ABR: variants seen among roughly 807,000 people sequenced by gnomAD.
ABR encodes the protein ABR activator of RhoGEF and GTPase, also known as active breakpoint cluster region-related protein.
ABR carries 35 observed loss-of-function variants against 107.2 expected under a neutral mutation model. The ratio of observed to expected loss-of-function variants is 0.33; its 90% CI spans 0.25 to 0.43. The LOEUF (loss-of-function observed/expected upper bound fraction) is 0.43. ABR is among the 20% of genes least tolerant of loss of function. ABR has a pLI of 1.00. For synonymous variants in ABR, 498 were observed against 462.0 expected (o/e 1.08, Z -1.00); for missense variants, 815 against 1,115.2 (o/e 0.73, Z 3.83).
chr17:1,013,198 A>G, intron 16 of ABR, 34 bp from the exon 17 acceptor site: 1 of 1,605,772 alleles, frequency 6.2e-7, no homozygotes, highest in Non-Finnish European at 8.5e-7. Flanking sequence ...GAGAGGTGCC[A>G]GCTCGGAGGC....
chr17:1,097,530 A>G (rs374401855), intron 3 of ABR, among the ~76,000 whole-genome samples: 2 of 149,304 alleles, frequency 1.3e-5, no homozygotes, highest in African/African-American at 4.9e-5. Flanking sequence ...GGCGGAGGTT[A>G]TAATGAGCCG....
At chr17:1,118,245 G>C in intron 2 of ABR, among the ~76,000 whole-genome samples, 1 of 92,462 alleles carries the variant, frequency 1.1e-5, no homozygotes, top group African/African-American at 4.4e-5. Context: ...CCCTGAGCCT[G>C]AGTTCCTCCC....
Position 1,078,416 on chromosome 17 carries a change from A to C in ABR, c.700+914T>G, listed in dbSNP as rs933907186. 1.3e-5 allele frequency among the ~76,000 whole-genome samples: 2 copies of C among 151,930 alleles called. No individual in the cohort carries two copies. Among genetic ancestry groups the C allele is most frequent in the Non-Finnish European group, 2.9e-5 (2 of 67,958 alleles). ...CTCGGCTGGCAACGCCGCCGTCCGG[A>C]CCATCGCCACCCATCGCCACGCTGT... On this transcript the variant is annotated intron_variant, in intron 6 of 22. Transcript: ENST00000302538. The surrounding 1 kb of genome is among the most constrained non-coding windows in gnomAD (Gnocchi z 7.5).
chr17:1,126,961 C>T (rs776917438), intron 1 of ABR, among the ~76,000 whole-genome samples: 16 of 152,350 alleles, frequency 1.1e-4, no homozygotes, highest in Admixed American at 2.0e-4. Flanking sequence ...CACGGGGGCC[C>T]CAGCTCTTCC....
chr17:1,104,950 C>T (rs1013137535), intron 2 of ABR, among the ~76,000 whole-genome samples: 12 of 151,838 alleles, frequency 7.9e-5, no homozygotes, highest in Non-Finnish European at 1.8e-4. Context: ...TTTTGCCATA[C>T]TCACATACCA....
intron 2 of ABR, among the ~76,000 whole-genome samples, chr17:1,104,471 T>C (rs950138723): frequency 3.9e-5 from 6 of 152,124 alleles, no homozygotes; most frequent in African/African-American, 9.7e-5. Context: ...CTCAAGGCTA[T>C]AGGGCATGCA....
intron 1 of ABR, among the ~76,000 whole-genome samples, chr17:1,173,086 C>CCCG (rs372635751): frequency 2.3e-4 from 15 of 65,024 alleles, no homozygotes; most frequent in East Asian, 1.3e-3. Context: ...CAGTCCACCC[C>CCCG]CCCCATCATC....
intron 1 of ABR, among the ~76,000 whole-genome samples, chr17:1,219,042 T>G (rs1567900636): frequency 6.9e-6 from 1 of 145,392 alleles, no homozygotes; most frequent in Non-Finnish European, 1.5e-5. Flanking sequence ...TATCTGTTTG[T>G]TTGTTTGTTT....
chr17:1,023,589 C>T (rs775399024), intron 16 of ABR, among the ~76,000 whole-genome samples: 12 of 152,330 alleles, frequency 7.9e-5, no homozygotes, highest in Non-Finnish European at 1.3e-4. Context: ...AGGAAAGGGG[C>T]GCCCTCAGAG....
chr17:1,105,093 C>T (rs2038159147), intron 2 of ABR, among the ~76,000 whole-genome samples: 1 of 150,684 alleles, frequency 6.6e-6, no homozygotes, highest in Non-Finnish European at 1.5e-5. Context: ...ACTGCAACCT[C>T]CATCTCCCGG....
chr17:1,021,513 A>G (rs1597397875), intron 16 of ABR, among the ~76,000 whole-genome samples: 1 of 152,242 alleles, frequency 6.6e-6, no homozygotes, highest in Non-Finnish European at 1.5e-5. Context: ...CATAAAAAAA[A>G]GTGCTTCTTC....
rs773367465 is a variant in ABR at position 1,050,127 on chromosome 17, T to C, written c.1714A>G (p.Lys572Glu). Residue 572 changes from lysine (K) to glutamate (E), a missense_variant, in exon 16 of 23, where the codon AAG (lysine) becomes GAG (glutamate). Coordinates refer to ENST00000302538, the MANE Select transcript of ABR (RefSeq NM_021962.5). The surrounding 1 kb of genome is among the most constrained non-coding windows in gnomAD (Gnocchi z 4.6). ...SQSLRILCYEKCYDKTKVNKD... is the reference protein window; with the variant it reads ...SQSLRILCYEECYDKTKVNKD... ...TTGACCTTGGTCTTGTCATAGCACT[T>C]CTCATAGCACAGGATCCTCAGGGAC... is the stretch of plus-strand genomic sequence containing the variant. 6.2e-7 allele frequency: 1 copy of C among 1,614,124 alleles called. No homozygotes were observed. The highest frequency in any genetic ancestry group is 8.5e-7 in the Non-Finnish European group (1 of 1,180,016).
intron 12 of ABR, among the ~76,000 whole-genome samples, chr17:1,057,649 A>G (rs1204800847): frequency 7.3e-6 from 1 of 137,594 alleles, no homozygotes; most frequent in Non-Finnish European, 1.6e-5. Flanking sequence ...GCCTCTGTGT[A>G]TGTGTGTATG....
Position 1,117,765 on chromosome 17 carries a change from G to T in ABR, c.246+7418C>A, listed in dbSNP as rs1236683209. Among the ~76,000 whole-genome samples, 368 of 69,030 alleles carry T rather than the reference G, an allele frequency of 5.3e-3. 12 individuals are homozygous for T. Among genetic ancestry groups the T allele is most frequent in the East Asian group, 0.051 (129 of 2,534 alleles). The allele number at this position is 69,030 out of a possible 152,430, so 45.3% of individuals were successfully genotyped here. A position where few individuals can be genotyped will look rare whatever the true frequency, so the allele number is the denominator to read the frequency against. On this transcript the variant is annotated intron_variant, in intron 2 of 22. Transcript: ENST00000302538. Reference sequence around the variant, plus strand: ...ACCCTGAGCCTGAGTTCCTCCCAGCGTTATCCCTGAGCCTGAGTTCTCCCC... The same window carrying T: ...ACCCTGAGCCTGAGTTCCTCCCAGCTTTATCCCTGAGCCTGAGTTCTCCCC...
intron 1 of ABR, among the ~76,000 whole-genome samples, chr17:1,198,302 G>T (rs1217725842): frequency 1.3e-5 from 2 of 151,552 alleles, no homozygotes; most frequent in Non-Finnish European, 2.9e-5. Context: ...CACGTGGCAC[G>T]TTGCCCAAGG....
In ABR at chr17:1,078,975, C is replaced by G; in HGVS notation, c.700+355G>C. On this transcript the variant is annotated intron_variant, in intron 6 of 22. Coordinates refer to ENST00000302538, the MANE Select transcript of ABR (RefSeq NM_021962.5). This position sits in a 1 kb window ranked among gnomAD's most constrained non-coding sequence, Gnocchi z 7.5. ...GATGCTGCCGCACGGACTCCAGCATCGGGCAGCCGCTCCGGAGTGCTCTTC... is the reference window on the plus strand; with the variant it reads ...GATGCTGCCGCACGGACTCCAGCATGGGGCAGCCGCTCCGGAGTGCTCTTC... The G allele has an allele frequency of 7.4e-7, 1 of 1,343,518 alleles. No individual in the cohort carries two copies. Among genetic ancestry groups the G allele is most frequent in the Admixed American group, 2.3e-5 (1 of 43,314 alleles). 83.2% of individuals were successfully genotyped at this position (1,343,518 alleles called of 1,614,324 possible). A position where few individuals can be genotyped will look rare whatever the true frequency, so the allele number is the denominator to read the frequency against.
At chr17:1,145,128 G>A (rs756359895) in intron 1 of ABR, among the ~76,000 whole-genome samples, 10 of 152,196 alleles carry the variant, frequency 6.6e-5, no homozygotes, top group Non-Finnish European at 1.2e-4. Flanking sequence ...TCTTCCCCGC[G>A]AGGTGGTGGC....
chr17:1,079,416 G>C, intron 5 of ABR, 26 bp from the exon 6 acceptor site: 1 of 1,603,106 alleles, frequency 6.2e-7, no homozygotes, highest in Non-Finnish European at 8.5e-7. Flanking sequence ...GAGGAGTCAT[G>C]GCCTGTTCTG....
At chr17:1,107,756 G>A (rs1428435546) in intron 2 of ABR, among the ~76,000 whole-genome samples, 2 of 152,168 alleles carry the variant, frequency 1.3e-5, no homozygotes, top group African/African-American at 2.4e-5. Flanking sequence ...ACGGCCCTAC[G>A]CCAGCACCAG....
Sources: allele counts gnomAD v4.1 joint callset (sites outside exome capture counted in the v4.1 genomes callset), GRCh38; gene constraint gnomAD v4.1.1; non-coding constraint Gnocchi (gnomAD v3.1); transcripts MANE v1.5; gene names NCBI Gene and HGNC (gene_info 2026-07-23, HGNC 2026-07-21).